ME2: variants seen among roughly 807,000 people sequenced by gnomAD.
ME2 encodes NAD-dependent malic enzyme, mitochondrial.
Under a neutral mutation model 73.7 loss-of-function variants are expected in ME2, and 60 were observed. That is an observed-to-expected ratio of 0.81 (90% CI 0.66 to 1.01). The LOEUF (loss-of-function observed/expected upper bound fraction) is 1.01. ME2 is among the 50% of genes least tolerant of loss of function. ME2 has a pLI of 0.00. For synonymous variants in ME2, 199 were observed against 236.9 expected, an observed-to-expected ratio of 0.84 and a Z score of 1.47; for missense variants, 594 against 705.5, an observed-to-expected ratio of 0.84 and a Z score of 1.79.
intron 10 of ME2, 40 bp downstream of exon 10, chr18:50,921,227 A>G: frequency 1.9e-6 from 2 of 1,037,100 alleles, no homozygotes; most frequent in Non-Finnish European, 1.4e-6. Context: ...AGAGTGTATT[A>G]TATTTTTAGT....
intron 10 of ME2, among the ~76,000 whole-genome samples, chr18:50,921,665 C>T (rs1454550450): frequency 6.6e-6 from 1 of 152,088 alleles, no homozygotes; most frequent in Non-Finnish European, 1.5e-5. Flanking sequence ...CAACTTCTGC[C>T]TCCTGGGTTC....
At position 50,921,214 on chromosome 18, in the gene ME2, A is replaced by G. The variant is rs776108578; in HGVS notation, c.1056+27A>G. 6 of 1,132,682 alleles carry G rather than the reference A, an allele frequency of 5.3e-6. No individual in the cohort carries two copies. In the East Asian group the frequency reaches 7.6e-5, roughly 14 times the overall value. 70.2% of individuals were successfully genotyped at this position (1,132,682 alleles called of 1,614,324 possible). ...TAAGGTATTTAAAATTTGGAGAAGC[A>G]AAAGAGTGTATTATATTTTTAGTTG... is the stretch of plus-strand genomic sequence containing the variant. On this transcript the variant is annotated intron_variant, in intron 10 of 15. Transcript: ENST00000321341.
chr18:50,913,860 T>TATACACACACACACACACAC (rs112137080), intron 4 of ME2, among the ~76,000 whole-genome samples: 2,109 of 143,230 alleles, frequency 0.015, 34 homozygotes, highest in South Asian at 0.022. Context: ...AGCAATATTA[T>TATACACACACACACACACAC]ACACACACAC....
chr18:50,893,993 T>C (rs761532170), intron 1 of ME2, among the ~76,000 whole-genome samples: 6 of 152,232 alleles, frequency 3.9e-5, no homozygotes, highest in Non-Finnish European at 5.9e-5. Context: ...TTTAATTACA[T>C]CTATGACTAT....
chr18:50,924,084 A>G lies in ME2; in HGVS notation c.1057-14A>G, dbSNP rs1917486829. 5.8e-6 allele frequency: 9 copies of G among 1,546,560 alleles called. No individual in the cohort carries two copies. Among genetic ancestry groups the G allele is most frequent in the South Asian group, 5.7e-5 (5 of 87,836 alleles). On this transcript the variant is annotated splice_polypyrimidine_tract_variant and intron_variant, in intron 10 of 15. Coordinates refer to ENST00000321341, the MANE Select transcript of ME2 (RefSeq NM_002396.5). Reference sequence around the variant, plus strand: ...ATTGACTAAAAAAATACTGTATTTTATCTCAAAATTTAGGGACGGAAAGCA... The same window carrying G: ...ATTGACTAAAAAAATACTGTATTTTGTCTCAAAATTTAGGGACGGAAAGCA...
chr18:50,897,773 T>G (rs1374541319), intron 2 of ME2, among the ~76,000 whole-genome samples: 1 of 151,782 alleles, frequency 6.6e-6, no homozygotes, highest in Admixed American at 6.6e-5. Flanking sequence ...GGCAGGAGAA[T>G]CGTTTGAACC....
At chr18:50,883,557 A>G (rs1916376852) in intron 1 of ME2, among the ~76,000 whole-genome samples, 1 of 152,198 alleles carries the variant, frequency 6.6e-6, no homozygotes, top group South Asian at 2.1e-4. Flanking sequence ...CCACGGGCAT[A>G]TTCCAGTATT....
intron 12 of ME2, among the ~76,000 whole-genome samples, chr18:50,927,422 C>T (rs999267284): frequency 7.2e-5 from 11 of 151,924 alleles, no homozygotes; most frequent in African/African-American, 1.9e-4. Context: ...ACCACAGGGC[C>T]GGGCACGGTG....
chr18:50,901,957 T>A (rs1916902239), intron 2 of ME2, among the ~76,000 whole-genome samples: 1 of 152,214 alleles, frequency 6.6e-6, no homozygotes, highest in African/African-American at 2.4e-5. Flanking sequence ...CTACTAAACA[T>A]CTCTTTTAAA....
intron 1 of ME2, among the ~76,000 whole-genome samples, chr18:50,894,637 G>A (rs946452977): frequency 3.3e-5 from 5 of 150,674 alleles, no homozygotes; most frequent in South Asian, 2.1e-4. Context: ...TTGGGAGGCC[G>A]AGGCAGGCAG....
At chr18:50,942,965 T>C (rs1599128806) in intron 15 of ME2, among the ~76,000 whole-genome samples, 2 of 152,236 alleles carry the variant, frequency 1.3e-5, no homozygotes, top group East Asian at 3.9e-4. Flanking sequence ...AAGGGTATTC[T>C]TGTATTTTTT....
rs969171713 is a variant in ME2, at chr18:50,910,055, G to A, written c.242+1859G>A. On this transcript the variant is annotated intron_variant, in intron 3 of 15. Coordinates refer to ENST00000321341, the MANE Select transcript of ME2 (RefSeq NM_002396.5). ...TATGACATAGAATATGAAAGTCATC[G>A]CTCAGATTTAGAAGGGCCAGGGTTG... Among the ~76,000 whole-genome samples the A allele has an allele frequency of 3.3e-5, 5 of 151,958 alleles. No homozygotes were observed. In the East Asian group the frequency reaches 7.7e-4, roughly 23 times the overall value.
intron 15 of ME2, among the ~76,000 whole-genome samples, chr18:50,946,177 C>G (rs759174769): frequency 9.9e-5 from 15 of 152,162 alleles, no homozygotes; most frequent in Non-Finnish European, 2.1e-4. Context: ...GTGAGAGGTG[C>G]TGTGCTACCC....
chr18:50,909,724 T>C (rs375209852), intron 3 of ME2, among the ~76,000 whole-genome samples: 12 of 152,124 alleles, frequency 7.9e-5, no homozygotes, highest in African/African-American at 2.4e-4. Flanking sequence ...GGAAGGAAGA[T>C]ATTAAATAAT....
At chr18:50,926,878 T>C (rs1166693665) in intron 12 of ME2, among the ~76,000 whole-genome samples, 1 of 152,258 alleles carries the variant, frequency 6.6e-6, no homozygotes, top group Non-Finnish European at 1.5e-5. Context: ...CTTAAAATCA[T>C]GTACTGTAGA....
At chr18:50,881,099 A>T (rs1400269829) in intron 1 of ME2, among the ~76,000 whole-genome samples, 1 of 152,060 alleles carries the variant, frequency 6.6e-6, no homozygotes, top group Non-Finnish European at 1.5e-5. Flanking sequence ...TGCGATCTCC[A>T]CTCACTGCAA....
intron 1 of ME2, among the ~76,000 whole-genome samples, chr18:50,884,388 A>G (rs1266931308): frequency 3.9e-5 from 6 of 152,202 alleles, no homozygotes; most frequent in Non-Finnish European, 7.3e-5. Context: ...TCAATCTGTC[A>G]TAAGGCTAGA....
At chr18:50,925,196 T>G (rs560144874) in intron 11 of ME2, among the ~76,000 whole-genome samples, 14 of 152,114 alleles carry the variant, frequency 9.2e-5, no homozygotes, top group Non-Finnish European at 1.5e-4. Flanking sequence ...TTTTAAAAAT[T>G]GGTTGGGCAT....
At chr18:50,916,469 G>T in intron 5 of ME2, 1 of 388,160 alleles carries the variant, frequency 2.6e-6, no homozygotes, top group Non-Finnish European at 4.6e-6. Context: ...AATACAAGGT[G>T]AGCCCTCTCG....
Sources: allele counts gnomAD v4.1 joint callset (sites outside exome capture counted in the v4.1 genomes callset), GRCh38; gene constraint gnomAD v4.1.1; transcripts MANE v1.5; gene names NCBI Gene and HGNC (gene_info 2026-07-23, HGNC 2026-07-21).